PPIL4: variants seen among roughly 807,000 people sequenced by gnomAD.
The protein encoded by PPIL4 is peptidyl-prolyl cis-trans isomerase-like 4.
In PPIL4, 50 loss-of-function variants were observed where a neutral mutation model predicts 69.1. The observed-to-expected ratio is 0.72, with a 90% CI of 0.58 to 0.92. The LOEUF (loss-of-function observed/expected upper bound fraction) is 0.92. Ranked by LOEUF, PPIL4 falls within the 40% of genes least tolerant of loss-of-function variation. The pLI is 0.00. For missense variants in PPIL4, 480 were observed against 587.9 expected, an observed-to-expected ratio of 0.82 and a Z score of 1.90; for synonymous variants, 193 against 191.6, an observed-to-expected ratio of 1.01 and a Z score of -0.06.
intron 11 of PPIL4, among the ~76,000 whole-genome samples, chr6:149,516,030 A>G (rs1477854267): frequency 6.6e-6 from 1 of 152,202 alleles, no homozygotes; most frequent in African/African-American, 2.4e-5. Flanking sequence ...TCTCTTTTGC[A>G]TCAACTTCAA....
intron 12 of PPIL4, among the ~76,000 whole-genome samples, chr6:149,508,987 A>G (rs1776803879): frequency 6.6e-6 from 1 of 152,162 alleles, no homozygotes; most frequent in Non-Finnish European, 1.5e-5. Flanking sequence ...AAAAATAAAA[A>G]ACAAAATAAT....
chr6:149,519,041 G>A (rs4897137), intron 10 of PPIL4, among the ~76,000 whole-genome samples: 29,680 of 152,036 alleles, frequency 0.2, 4,408 homozygotes, highest in East Asian at 0.77. Context: ...TGTTTATGAT[G>A]GCATATACAA....
At chr6:149,524,577 C>A (rs1777078551) in intron 9 of PPIL4, among the ~76,000 whole-genome samples, 1 of 152,166 alleles carries the variant, frequency 6.6e-6, no homozygotes, top group Non-Finnish European at 1.5e-5. Flanking sequence ...AATTAAGAGT[C>A]TCTGAAGGGC....
chr6:149,513,429 A>ATG, intron 11 of PPIL4, among the ~76,000 whole-genome samples: 1 of 132,514 alleles, frequency 7.5e-6, no homozygotes, highest in African/African-American at 3.2e-5. Context: ...ATATATATAT[A>ATG]TATATATATA....
At chr6:149,531,977 G>A (rs931555374) in intron 7 of PPIL4, among the ~76,000 whole-genome samples, 15 of 152,060 alleles carry the variant, frequency 9.9e-5, no homozygotes, top group Non-Finnish European at 2.1e-4. Flanking sequence ...CCTATAAACT[G>A]TAATTTCTGT....
At chr6:149,522,188 C>G (rs1777039173) in intron 9 of PPIL4, among the ~76,000 whole-genome samples, 1 of 152,148 alleles carries the variant, frequency 6.6e-6, no homozygotes, top group Admixed American at 6.5e-5. Context: ...AGGTATAATT[C>G]TATCACCATG....
At position 149,535,630 on chromosome 6, in the gene PPIL4, C is replaced by A; in HGVS notation, c.430G>T (p.Val144Phe). ...DIIKKINETF[V>F]DKDFVPYQDI... is the part of the protein sequence containing the mutation. ...TGATATGGTACAAAGTCCTTGTCAA[C>A]AAAGGTCTCATTAATTTTCTTAATT... The change falls in exon 5 of 13, where the codon GTT becomes TTT. Residue 144 changes from valine (V) to phenylalanine (F), a missense_variant. Coordinates refer to ENST00000253329, the MANE Select transcript of PPIL4 (RefSeq NM_139126.4). The A allele has an allele frequency of 6.2e-7, 1 of 1,612,656 alleles. No homozygotes were observed. Among genetic ancestry groups the A allele is most frequent in the South Asian group, 1.1e-5 (1 of 91,030 alleles).
chr6:149,514,228 G>A (rs543421640), intron 11 of PPIL4, among the ~76,000 whole-genome samples: 22 of 152,166 alleles, frequency 1.4e-4, no homozygotes, highest in African/African-American at 4.6e-4. Flanking sequence ...CTCTGTTTCC[G>A]GGGCATCTTC....
intron 1 of PPIL4, among the ~76,000 whole-genome samples, chr6:149,544,331 A>G (rs1777408393): frequency 6.6e-6 from 1 of 152,234 alleles, no homozygotes; most frequent in Non-Finnish European, 1.5e-5. Flanking sequence ...TGCCAGTTTG[A>G]GTTGGGTTTC....
rs1407586146 is a variant in PPIL4, at chr6:149,526,674, A to C, written c.781T>G (p.Ser261Ala). 1 of 1,611,008 alleles carries C rather than the reference A, an allele frequency of 6.2e-7. No individual in the cohort carries two copies. Among genetic ancestry groups the C allele is most frequent in the Non-Finnish European group, 8.5e-7 (1 of 1,178,154 alleles). The change falls in exon 8 of 13, where the codon TCT becomes GCT. Residue 261 changes from serine (S) to alanine (A), a missense_variant. Physicochemically the swap from Ser to Ala is moderately conservative, Grantham distance 99. Transcript: ENST00000253329. ...TTDEDLEIIF[S>A]RFGPIRSCEV... ...TACCTTCTTATTGGCCCAAATCTAG[A>C]GAATATTATTTCCAGATCCTCATCT...
At chr6:149,543,002 G>A (rs1485727743) in intron 1 of PPIL4, among the ~76,000 whole-genome samples, 1 of 152,152 alleles carries the variant, frequency 6.6e-6, no homozygotes, top group African/African-American at 2.4e-5. Flanking sequence ...TAACAGATAG[G>A]GGTGGTCCTT....
Position 149,526,669 on chromosome 6 carries a change from T to G in PPIL4, c.786A>C (p.Arg262Ser). Residue 262 changes from arginine to serine, a missense_variant, in exon 8 of 13, where the codon AGA becomes AGC. Transcript: ENST00000253329. ...AGGATTACCTTCTTATTGGCCCAAATCTAGAGAATATTATTTCCAGATCCT... is the reference window on the plus strand; with the variant it reads ...AGGATTACCTTCTTATTGGCCCAAAGCTAGAGAATATTATTTCCAGATCCT... The part of the protein sequence containing the change: ...TDEDLEIIFS[R>S]FGPIRSCEVI... 6.2e-7 allele frequency: 1 copy of G among 1,610,656 alleles called. No individual in the cohort carries two copies. Among genetic ancestry groups the G allele is most frequent in the South Asian group, 1.1e-5 (1 of 90,546 alleles).
intron 4 of PPIL4, among the ~76,000 whole-genome samples, chr6:149,537,234 A>T (rs943999404): frequency 2.0e-5 from 3 of 152,242 alleles, no homozygotes; most frequent in Non-Finnish European, 4.4e-5. Flanking sequence ...CATGAAGACG[A>T]AACAGCCTTA....
chr6:149,505,761 T>C (rs1776761336), intron 12 of PPIL4, 57 bp from the exon 13 acceptor site: 9 of 1,526,344 alleles, frequency 5.9e-6, no homozygotes, highest in South Asian at 1.2e-5. Context: ...TTTGTGGGCA[T>C]TTTCAATTAA....
chr6:149,520,328 G>C (rs1777009874), intron 10 of PPIL4, among the ~76,000 whole-genome samples: 1 of 151,992 alleles, frequency 6.6e-6, no homozygotes, highest in Non-Finnish European at 1.5e-5. Flanking sequence ...TGAGGAGCAG[G>C]AATGAATGAG....
At chr6:149,511,867 G>C (rs1181792830) in intron 12 of PPIL4, among the ~76,000 whole-genome samples, 3 of 152,068 alleles carry the variant, frequency 2.0e-5, no homozygotes, top group Admixed American at 6.6e-5. Context: ...AACCACACTT[G>C]TTTCTGATGG....
At chr6:149,520,497 G>A (rs534300840) in intron 10 of PPIL4, among the ~76,000 whole-genome samples, 320 of 152,140 alleles carry the variant, frequency 2.1e-3, no homozygotes, top group African/African-American at 7.3e-3. Context: ...GTAATTATTA[G>A]TAATTTATAA....
chr6:149,512,628 T>C (rs1203367065), intron 11 of PPIL4, among the ~76,000 whole-genome samples: 3 of 152,196 alleles, frequency 2.0e-5, no homozygotes, highest in Non-Finnish European at 4.4e-5. Context: ...AAAATTATTA[T>C]AAATTCCAAT....
intron 5 of PPIL4, 55 bp from the exon 6 acceptor site, chr6:149,534,829 A>G (rs1777250503): frequency 9.2e-7 from 1 of 1,085,896 alleles, no homozygotes; most frequent in African/African-American, 1.6e-5. Context: ...TCAGAATCCT[A>G]TTTTATTTTA....
Sources: allele counts gnomAD v4.1 joint callset (sites outside exome capture counted in the v4.1 genomes callset), GRCh38; gene constraint gnomAD v4.1.1; transcripts MANE v1.5; gene names NCBI Gene and HGNC (gene_info 2026-07-23, HGNC 2026-07-21).